The following DPP6 variants were observed in gnomAD, a reference collection of about 807,000 sequenced individuals.
The protein encoded by DPP6 is dipeptidyl peptidase like 6.
A neutral mutation model predicts 122.6 loss-of-function variants in DPP6; 69 were observed. The ratio of observed to expected loss-of-function variants is 0.56; its 90% CI spans 0.46 to 0.69. DPP6 has a LOEUF of 0.69. DPP6 is among the 30% of genes least tolerant of loss of function. The pLI is 0.00. For synonymous variants in DPP6, 418 were observed against 433.1 expected, an observed-to-expected ratio of 0.97 and a Z score of 0.43; for missense variants, 928 against 1,116.9, an observed-to-expected ratio of 0.83 and a Z score of 2.41.
At chr7:154,400,665 T>C (rs78612732) in intron 1 of DPP6, among the ~76,000 whole-genome samples, 2 of 152,180 alleles carry the variant, frequency 1.3e-5, no homozygotes, top group Non-Finnish European at 2.9e-5. Flanking sequence ...TAGGCAAGCA[T>C]GGAATCACAC....
chr7:154,470,297 T>G (rs137868658), intron 2 of DPP6, among the ~76,000 whole-genome samples: 258 of 152,280 alleles, frequency 1.7e-3, no homozygotes, highest in African/African-American at 5.5e-3. Context: ...CTCATTATGG[T>G]GGGGATCAGG....
At chr7:153,801,477 CT>C in the DPP6 span, among the ~76,000 whole-genome samples, 1 of 152,128 alleles carries the variant, frequency 6.6e-6, no homozygotes, top group Non-Finnish European at 1.5e-5. Flanking sequence ...CGGGAATGGA[CT>C]CTGGGTCACT....
At chr7:154,067,897 G>GT (rs1421142047) in intron 1 of DPP6, among the ~76,000 whole-genome samples, 91 of 143,550 alleles carry the variant, frequency 6.3e-4, no homozygotes, top group East Asian at 2.9e-3. Context: ...CCCACTCAAG[G>GT]TTTTTTTTTG....
intron 1 of DPP6, among the ~76,000 whole-genome samples, chr7:154,309,790 C>G (rs972312416): frequency 1.3e-5 from 2 of 152,060 alleles, no homozygotes; most frequent in African/African-American, 4.8e-5. Flanking sequence ...TGAGGAGTCC[C>G]AATAGGGAAG....
At position 153,945,320 on chromosome 7, in the gene DPP6, G is replaced by T. The variant is rs149045687; in HGVS notation, c.51+57586G>T. ...TCTACGGAAGTTCCCAGCCATGCCT[G>T]GTACAGAGCATGCTACCAATTAATA... On this transcript the variant is annotated intron_variant, in intron 1 of 25. Transcript: ENST00000404039. Among the ~76,000 whole-genome samples, 44 of 152,286 alleles carry T rather than the reference G, an allele frequency of 2.9e-4. No homozygotes were observed. The East Asian group carries it at 4.6e-3, about 16-fold the overall frequency.
chr7:154,845,003 CAG>C (rs1335804454), intron 16 of DPP6, among the ~76,000 whole-genome samples: 3 of 152,302 alleles, frequency 2.0e-5, no homozygotes, highest in Non-Finnish European at 4.4e-5. Flanking sequence ...TATGTACGAA[CAG>C]AGAGACCACA....
chr7:153,928,993 G>A (rs1026251550), intron 1 of DPP6, among the ~76,000 whole-genome samples: 1 of 151,948 alleles, frequency 6.6e-6, no homozygotes, highest in Non-Finnish European at 1.5e-5. Context: ...AGGTCAGAGA[G>A]AGCGCGGAGG....
At chr7:153,990,602 G>A (rs1404922192) in intron 1 of DPP6, among the ~76,000 whole-genome samples, 31 of 152,122 alleles carry the variant, frequency 2.0e-4, no homozygotes, top group African/African-American at 5.5e-4. Flanking sequence ...CTTGGCCCTC[G>A]CCTGCCCTGG....
chr7:154,523,172 T>C (rs957487867), intron 3 of DPP6, among the ~76,000 whole-genome samples: 4 of 152,308 alleles, frequency 2.6e-5, no homozygotes, highest in Admixed American at 2.6e-4. Flanking sequence ...TTAAATATTT[T>C]CTTGAAAGGG....
chr7:154,167,056 C>A (rs1463099032), intron 1 of DPP6, among the ~76,000 whole-genome samples: 1 of 147,470 alleles, frequency 6.8e-6, no homozygotes, highest in Non-Finnish European at 1.5e-5. Context: ...TGGGGGAAAT[C>A]TTTCCATGCA....
intron 3 of DPP6, among the ~76,000 whole-genome samples, chr7:154,508,339 G>C (rs1041379476): frequency 6.6e-6 from 1 of 152,102 alleles, no homozygotes; most frequent in Non-Finnish European, 1.5e-5. Context: ...GGAGGTGGGG[G>C]TTCCTCCATG....
intron 3 of DPP6, among the ~76,000 whole-genome samples, chr7:154,503,530 A>G (rs561776543): frequency 3.3e-5 from 5 of 152,348 alleles, no homozygotes; most frequent in Non-Finnish European, 5.9e-5. Flanking sequence ...CATAAATGAC[A>G]TTAAAGAATA....
intron 1 of DPP6, among the ~76,000 whole-genome samples, chr7:154,228,581 C>T (rs1266126047): frequency 6.6e-6 from 1 of 152,134 alleles, no homozygotes. Context: ...TATTTCTCTT[C>T]ATTTTAGTAA....
At chr7:154,522,551 T>C (rs1827082150) in intron 3 of DPP6, among the ~76,000 whole-genome samples, 1 of 152,216 alleles carries the variant, frequency 6.6e-6, no homozygotes, top group South Asian at 2.1e-4. Flanking sequence ...GCAGGGCCGC[T>C]GAATGCTGTT....
At position 154,392,984 on chromosome 7, in the gene DPP6, C is replaced by T. The variant is rs191760182; in HGVS notation, c.244-53230C>T. On this transcript the variant is annotated intron_variant, in intron 1 of 25. Transcript: ENST00000377770. ...GATCAAAGTATTGTCTTCCACCATT[C>T]ATCAGAAGAAAATACATCTAGATTT... is the stretch of plus-strand genomic sequence containing the variant. 9.8e-5 allele frequency among the ~76,000 whole-genome samples: 15 copies of T among 152,322 alleles called. No homozygotes were observed. The East Asian group carries it at 2.9e-3, about 29-fold the overall frequency.
chr7:154,882,539 G>C (rs538153333), intron 21 of DPP6, among the ~76,000 whole-genome samples: 1 of 152,262 alleles, frequency 6.6e-6, no homozygotes, highest in Admixed American at 6.5e-5. Context: ...CCAGTGATCT[G>C]GCTGCAGCCT....
intron 3 of DPP6, among the ~76,000 whole-genome samples, chr7:154,513,099 T>G (rs980953547): frequency 6.6e-6 from 1 of 152,204 alleles, no homozygotes; most frequent in African/African-American, 2.4e-5. Flanking sequence ...CATTATTTTC[T>G]TCTTCCTTCT....
chr7:154,835,435 G>A (rs1303595781), intron 16 of DPP6, among the ~76,000 whole-genome samples: 1 of 152,182 alleles, frequency 6.6e-6, no homozygotes, highest in Non-Finnish European at 1.5e-5. Context: ...GTGGGACCTT[G>A]TTAGGACAGC....
chr7:154,164,315 C>T (rs189848558), intron 1 of DPP6, among the ~76,000 whole-genome samples: 2,956 of 147,338 alleles, frequency 0.02, 80 homozygotes, highest in African/African-American at 0.067. Context: ...ATTGAACATT[C>T]TGTCTCATTT....
Sources: gnomAD v4.1 joint callset for allele counts (sites outside exome capture counted in the v4.1 genomes callset) on GRCh38, gnomAD v4.1.1 for gene constraint, MANE v1.5 for transcripts, NCBI Gene and HGNC (gene_info 2026-07-23, HGNC 2026-07-21) for gene names.